The following ZBTB16 variants were observed in gnomAD, a reference collection of about 807,000 sequenced individuals.
The protein encoded by ZBTB16 is zinc finger and BTB domain containing 16.
Under a neutral mutation model 56.8 loss-of-function variants are expected in ZBTB16, and 8 were observed. The observed-to-expected ratio is 0.14, with a 90% confidence interval of 0.08 to 0.25. The LOEUF (loss-of-function observed/expected upper bound fraction) is 0.25. Ranked by LOEUF, ZBTB16 falls within the 10% of genes least tolerant of loss-of-function variation. The probability of loss-of-function intolerance (pLI) is 1.00; values close to 1 mark genes in which losing one functional copy is unlikely to be tolerated. For synonymous variants in ZBTB16, 363 were observed against 368.5 expected (o/e 0.98, Z 0.17); for missense variants, 625 against 903.0 (o/e 0.69, Z 3.95).
chr11:114,201,599 C>A (rs995337776), intron 4 of ZBTB16, among the ~76,000 whole-genome samples: 11 of 152,082 alleles, frequency 7.2e-5, no homozygotes, highest in Admixed American at 1.3e-4. Context: ...ATGAGAATGA[C>A]CTAAATATCC....
At chr11:114,125,478 A>AG (rs1297344165) in intron 2 of ZBTB16, among the ~76,000 whole-genome samples, 1 of 152,020 alleles carries the variant, frequency 6.6e-6, no homozygotes, top group Non-Finnish European at 1.5e-5. Flanking sequence ...GCCCAAGGTT[A>AG]TCTAACTATC....
intron 2 of ZBTB16, among the ~76,000 whole-genome samples, chr11:114,144,173 GC>G (rs1942036252): frequency 1.5e-5 from 2 of 136,398 alleles, no homozygotes; most frequent in Non-Finnish European, 3.1e-5. Context: ...CTGTGTGTTT[GC>G]CAGACACACA....
intron 2 of ZBTB16, among the ~76,000 whole-genome samples, chr11:114,134,077 G>A (rs1941737751): frequency 6.6e-6 from 1 of 152,206 alleles, no homozygotes; most frequent in Admixed American, 6.5e-5. Flanking sequence ...ACTGGATCGT[G>A]ACAGTTTTTC....
At chr11:114,235,787 TCTCC>T (rs1944575992) in intron 4 of ZBTB16, among the ~76,000 whole-genome samples, 1 of 144,232 alleles carries the variant, frequency 6.9e-6, no homozygotes, top group African/African-American at 2.8e-5. Context: ...CTTCCTTCCT[TCTCC>T]TTTTTTTTTT....
At chr11:114,238,710 T>A (rs1362723555) in intron 4 of ZBTB16, among the ~76,000 whole-genome samples, 1 of 152,150 alleles carries the variant, frequency 6.6e-6, no homozygotes, top group African/African-American at 2.4e-5. Context: ...CAACCTGTCC[T>A]GCCTGGCATA....
Position 114,143,073 on chromosome 11 carries a change from G to A in ZBTB16, c.1269-13264G>A, listed in dbSNP as rs146217982. Among the ~76,000 whole-genome samples, 980 of 152,256 alleles carry A rather than the reference G, an allele frequency of 6.4e-3. 14 individuals are homozygous for A. The highest frequency in any genetic ancestry group is 0.021 in the African/African-American group (881 of 41,534). On this transcript the variant is annotated intron_variant, in intron 2 of 6. Transcript: ENST00000335953. This position sits in a 1 kb window ranked among gnomAD's most constrained non-coding sequence, Gnocchi z 6.4. The stretch of plus-strand genomic sequence containing the variant: ...TGGTTTCTCTGCTGCCTTGGTGAGC[G>A]TGGGCTTGCTCCCACCTACTCTCCC...
chr11:114,118,962 T>C (rs976257606), intron 2 of ZBTB16, among the ~76,000 whole-genome samples: 2 of 151,948 alleles, frequency 1.3e-5, no homozygotes, highest in African/African-American at 4.8e-5. Flanking sequence ...GGTTGACTTT[T>C]GTTACAAAGA....
At chr11:114,187,356 G>C in intron 4 of ZBTB16, 1 of 390,408 alleles carries the variant, frequency 2.6e-6, no homozygotes, top group Non-Finnish European at 4.7e-6. Context: ...AGTCTGTGTT[G>C]TTATCAAAAC....
In ZBTB16 at chr11:114,182,855, T is replaced by G. The variant is rs546120158; in HGVS notation, c.1367-4097T>G. On this transcript the variant is annotated intron_variant, in intron 3 of 6. Transcript: ENST00000335953. ...ACTGAAGGCAGCAGTGAACAACATA[T>G]GCACAGTAAACAGGCAGAGACTGTC... 9.2e-5 allele frequency among the ~76,000 whole-genome samples: 14 copies of G among 152,348 alleles called. No individual in the cohort carries two copies. The South Asian group carries it at 2.9e-3, about 32-fold the overall frequency.
intron 4 of ZBTB16, among the ~76,000 whole-genome samples, chr11:114,202,107 C>T (rs573048649): frequency 1.3e-5 from 2 of 152,188 alleles, no homozygotes; most frequent in Non-Finnish European, 2.9e-5. Context: ...GGGCCTGTGC[C>T]AGCACTCAGA....
intron 4 of ZBTB16, chr11:114,237,213 C>G (rs1292837488): frequency 6.6e-6 from 1 of 152,274 alleles, no homozygotes; most frequent in Non-Finnish European, 1.5e-5. Context: ...GTTTGGCCAT[C>G]ATTGGCTCTG....
chr11:114,104,794 A>G (rs959002802), intron 2 of ZBTB16, among the ~76,000 whole-genome samples: 4 of 152,218 alleles, frequency 2.6e-5, no homozygotes, highest in African/African-American at 7.2e-5. Flanking sequence ...ACATAGACCA[A>G]TTCTTGCTTT....
intron 2 of ZBTB16, among the ~76,000 whole-genome samples, chr11:114,138,354 A>G (rs991541588): frequency 6.6e-6 from 1 of 152,178 alleles, no homozygotes; most frequent in African/African-American, 2.4e-5. Context: ...ATGGCAATCA[A>G]CTTCACGGAG....
intron 4 of ZBTB16, among the ~76,000 whole-genome samples, chr11:114,190,338 G>A (rs1943462988): frequency 6.6e-6 from 1 of 152,164 alleles, no homozygotes; most frequent in South Asian, 2.1e-4. Context: ...AACTGAAAAT[G>A]CATTTAATCC....
chr11:114,086,936 C>T (rs562376525), intron 2 of ZBTB16, among the ~76,000 whole-genome samples: 1 of 152,316 alleles, frequency 6.6e-6, no homozygotes, highest in Non-Finnish European at 1.5e-5. Flanking sequence ...CCAGTATTGG[C>T]TCCATTGACC....
At chr11:114,187,281 G>T (rs1250634408) in intron 4 of ZBTB16, 4 of 601,534 alleles carry the variant, frequency 6.6e-6, no homozygotes, top group Non-Finnish European at 1.2e-5. Flanking sequence ...GCCAAGATCT[G>T]TCTCTAACCA....
intron 2 of ZBTB16, among the ~76,000 whole-genome samples, chr11:114,069,196 C>T (rs1451294096): frequency 6.6e-6 from 1 of 152,242 alleles, no homozygotes; most frequent in Non-Finnish European, 1.5e-5. Flanking sequence ...CGCTATTCTC[C>T]TGCCTCAGCC....
chr11:114,149,487 G>A (rs1942232129), intron 2 of ZBTB16, among the ~76,000 whole-genome samples: 1 of 152,174 alleles, frequency 6.6e-6, no homozygotes, highest in African/African-American at 2.4e-5. Flanking sequence ...CATGGAAGGT[G>A]TTAACTAGCA....
At position 114,252,150 on chromosome 11, in the gene ZBTB16, G is replaced by A. The variant is rs975792640; in HGVS notation, c.*1595G>A. Among the ~76,000 whole-genome samples the A allele has an allele frequency of 2.0e-5, 3 of 152,026 alleles. No homozygotes were observed. Among genetic ancestry groups the A allele is most frequent in the Admixed American group, 2.0e-4 (3 of 15,278 alleles). On this transcript the variant is annotated 3_prime_UTR_variant, in exon 7 of 7. Coordinates refer to ENST00000335953, the MANE Select transcript of ZBTB16 (RefSeq NM_006006.6). ...GGGGATGTTGCTTTGGGGTCTCATG[G>A]TCCCCAGAGGGCACTAGGGAGTCAC... is the stretch of plus-strand genomic sequence containing the variant.
Sources: allele counts gnomAD v4.1 joint callset (sites outside exome capture counted in the v4.1 genomes callset), GRCh38; gene constraint gnomAD v4.1.1; non-coding constraint Gnocchi (gnomAD v3.1); transcripts MANE v1.5; gene names NCBI Gene and HGNC (gene_info 2026-07-23, HGNC 2026-07-21).